Variants in MAP7 observed in about 807,000 individuals in gnomAD.
The protein encoded by MAP7 is microtubule associated protein 7, also known as ensconsin.
MAP7 carries 52 observed loss-of-function variants against 94.8 expected under a neutral mutation model. That is an observed-to-expected ratio of 0.55 (90% confidence interval 0.44 to 0.69). The LOEUF is 0.69. Among genes scored for constraint, MAP7 ranks in the 30% least tolerant of loss-of-function variants. The pLI is 0.00. For missense variants in MAP7, 940 were observed against 964.6 expected (o/e 0.97, Z 0.34); for synonymous variants, 350 against 357.0 (o/e 0.98, Z 0.22).
chr6:136,535,714 C>CT (rs200943172), intron 1 of MAP7, among the ~76,000 whole-genome samples: 17,153 of 137,234 alleles, frequency 0.12, 1,154 homozygotes, highest in Non-Finnish European at 0.16. Context: ...CTTTTTTTTT[C>CT]TTTTTTTTTT....
chr6:136,453,484 G>A (rs12200146), intron 1 of MAP7, among the ~76,000 whole-genome samples: 91 of 152,258 alleles, frequency 6.0e-4, no homozygotes, highest in Non-Finnish European at 9.8e-4. Context: ...GTCATAATAC[G>A]CTTTCCGGAC....
chr6:136,487,014 T>A (rs17642312), intron 1 of MAP7, among the ~76,000 whole-genome samples: 1 of 152,084 alleles, frequency 6.6e-6, no homozygotes, highest in Non-Finnish European at 1.5e-5. Flanking sequence ...ATATGTAACA[T>A]CACCAGTAAT....
At chr6:136,422,423 TAAAA>T (rs200822830) in intron 1 of MAP7, among the ~76,000 whole-genome samples, 3 of 152,086 alleles carry the variant, frequency 2.0e-5, no homozygotes, top group Admixed American at 2.0e-4. Flanking sequence ...AAATTCAAAT[TAAAA>T]AAAATCAATT....
intron 1 of MAP7, among the ~76,000 whole-genome samples, chr6:136,483,635 T>TA (rs976299062): frequency 6.6e-6 from 1 of 151,978 alleles, no homozygotes; most frequent in African/African-American, 2.4e-5. Context: ...GAACATTAGT[T>TA]AAAATGGAAA....
intron 1 of MAP7, among the ~76,000 whole-genome samples, chr6:136,489,380 A>G (rs1815814440): frequency 6.6e-6 from 1 of 152,076 alleles, no homozygotes; most frequent in African/African-American, 2.4e-5. Context: ...TTTATCCCGA[A>G]CATTAATGAT....
chr6:136,505,993 AAAG>A (rs1821398315), intron 1 of MAP7, among the ~76,000 whole-genome samples: 1 of 152,180 alleles, frequency 6.6e-6, no homozygotes, highest in Non-Finnish European at 1.5e-5. Flanking sequence ...AGTGATTGGT[AAAG>A]AAGATTTAAT....
intron 3 of MAP7, among the ~76,000 whole-genome samples, chr6:136,406,149 G>A (rs1230843021): frequency 2.0e-5 from 3 of 152,136 alleles, no homozygotes; most frequent in Admixed American, 6.6e-5. Flanking sequence ...AATGGTTTCT[G>A]AAGAGAAATC....
chr6:136,356,598 T>A (rs1791025560), intron 16 of MAP7, 94 bp downstream of exon 16: 1 of 945,516 alleles, frequency 1.1e-6, no homozygotes. Flanking sequence ...CCCCCCCAAA[T>A]AATAAATCCT....
At position 136,505,273 on chromosome 6, in the gene MAP7, GTGTGTA is replaced by G. The variant is rs1472436651; in HGVS notation, c.67+45063_67+45068del. On this transcript the variant is annotated intron_variant, in intron 1 of 17. Coordinates refer to ENST00000354570, the MANE Select transcript of MAP7 (RefSeq NM_003980.6). ...GTAATGTGTGTGTGTGTGTGTGTGT[GTGTGTA>G]TATATATATATATATATATATATAT... Among the ~76,000 whole-genome samples, 302 of 69,786 alleles carry G rather than the reference GTGTGTA, an allele frequency of 4.3e-3. 1 individual carries two copies. The highest frequency in any genetic ancestry group is 7.5e-3 in the African/African-American group (137 of 18,166). 45.8% of individuals were successfully genotyped at this position (69,786 alleles called of 152,430 possible).
chr6:136,435,011 G>C (rs1795998042), intron 1 of MAP7, among the ~76,000 whole-genome samples: 1 of 152,202 alleles, frequency 6.6e-6, no homozygotes, highest in South Asian at 2.1e-4. Context: ...ATCTGCCTAA[G>C]CTATGGGCCC....
chr6:136,526,232 T>C, intron 1 of MAP7: 2 of 1,173,798 alleles, frequency 1.7e-6, no homozygotes, highest in South Asian at 4.6e-5. Context: ...GACAGGCACA[T>C]GCGCTGGTGA....
rs35449742 is a variant in MAP7, at chr6:136,462,169, TAA to T, written c.68-40372_68-40371del. Among the ~76,000 whole-genome samples the T allele has an allele frequency of 2.8e-3, 386 of 137,250 alleles. 1 individual carries two copies. Among genetic ancestry groups the T allele is most frequent in the African/African-American group, 9.5e-3 (353 of 37,172 alleles). 90.0% of individuals were successfully genotyped at this position (137,250 alleles called of 152,430 possible). On this transcript the variant is annotated intron_variant, in intron 1 of 17. Coordinates refer to ENST00000354570, the MANE Select transcript of MAP7 (RefSeq NM_003980.6). The stretch of plus-strand genomic sequence containing the variant: ...GGGCAGCATAGTAAGACCCTTCTCT[TAA>T]AAAAAAAAAAAAAAAGATGGTATAC...
chr6:136,506,657 G>A (rs1415624741), intron 1 of MAP7, among the ~76,000 whole-genome samples: 1 of 152,174 alleles, frequency 6.6e-6, no homozygotes, highest in Non-Finnish European at 1.5e-5. Flanking sequence ...TCACTGACGT[G>A]CAAGAACACT....
At chr6:136,373,971 T>C (rs1016269206) in intron 7 of MAP7, among the ~76,000 whole-genome samples, 3 of 152,228 alleles carry the variant, frequency 2.0e-5, no homozygotes, top group African/African-American at 7.2e-5. Context: ...CATGGTTTTG[T>C]TCTGCTTTGA....
chr6:136,441,223 G>A (rs1374628367), intron 1 of MAP7, among the ~76,000 whole-genome samples: 2 of 152,084 alleles, frequency 1.3e-5, no homozygotes, highest in Non-Finnish European at 2.9e-5. Flanking sequence ...CATAAAATAA[G>A]CTTAAAGTCT....
At chr6:136,381,919 C>CACACACAGAGAG (rs373754692) in intron 6 of MAP7, among the ~76,000 whole-genome samples, 3 of 103,036 alleles carry the variant, frequency 2.9e-5, no homozygotes, top group Admixed American at 1.1e-4. Flanking sequence ...CACACACACA[C>CACACACAGAGAG]AGAGAGAGAG....
At chr6:136,394,374 T>G (rs1443448417) in intron 3 of MAP7, among the ~76,000 whole-genome samples, 3 of 152,206 alleles carry the variant, frequency 2.0e-5, no homozygotes, top group Admixed American at 6.5e-5. Flanking sequence ...GTATGGTATT[T>G]CACTGTCTAT....
chr6:136,345,150 A>C (rs1787328051), intron 17 of MAP7, among the ~76,000 whole-genome samples: 2 of 152,178 alleles, frequency 1.3e-5, no homozygotes, highest in South Asian at 4.1e-4. Flanking sequence ...TGAGTTAGTA[A>C]TATTTGATAT....
At chr6:136,368,778 C>T (rs1025391783) in intron 8 of MAP7, among the ~76,000 whole-genome samples, 9 of 152,182 alleles carry the variant, frequency 5.9e-5, no homozygotes, top group Non-Finnish European at 1.3e-4. Context: ...GGAAGGAAGT[C>T]CTGTGTGCAG....
Sources: allele counts gnomAD v4.1 joint callset (sites outside exome capture counted in the v4.1 genomes callset), GRCh38; gene constraint gnomAD v4.1.1; transcripts MANE v1.5; gene names NCBI Gene and HGNC (gene_info 2026-07-23, HGNC 2026-07-21).